Variants in RPTOR observed in about 807,000 individuals in gnomAD.
RPTOR encodes regulatory associated protein of MTOR complex 1.
A neutral mutation model predicts 169.9 loss-of-function variants in RPTOR; 21 were observed. The observed-to-expected ratio is 0.12, with a 90% confidence interval of 0.09 to 0.18. The LOEUF is 0.18. RPTOR is among the 10% of genes least tolerant of loss of function. RPTOR has a pLI of 1.00. For synonymous variants in RPTOR, 732 were observed against 753.2 expected (o/e 0.97, Z 0.46); for missense variants, 1,133 against 1,855.9 (o/e 0.61, Z 7.16).
At chr17:80,682,113 C>CA (rs1555606427) in intron 3 of RPTOR, among the ~76,000 whole-genome samples, 13 of 64,412 alleles carry the variant, frequency 2.0e-4, no homozygotes, top group Non-Finnish European at 3.8e-4. Flanking sequence ...TAGGTCCCCC[C>CA]CCCCACCCCA....
chr17:80,665,761 G>T (rs934492614), intron 3 of RPTOR, among the ~76,000 whole-genome samples: 1 of 151,978 alleles, frequency 6.6e-6, no homozygotes, highest in African/African-American at 2.4e-5. Context: ...TAGCCAGGAT[G>T]GTCTCGATCT....
At position 80,861,536 on chromosome 17, in the gene RPTOR, C is replaced by T. The variant is rs2067916700; in HGVS notation, c.1509+3636C>T. Among the ~76,000 whole-genome samples the T allele has an allele frequency of 6.6e-6, 1 of 151,936 alleles. No individual in the cohort carries two copies. Among genetic ancestry groups the T allele is most frequent in the Non-Finnish European group, 1.5e-5 (1 of 67,978 alleles). On this transcript the variant is annotated intron_variant, in intron 13 of 33. Coordinates refer to ENST00000306801, the MANE Select transcript of RPTOR (RefSeq NM_020761.3). The surrounding 1 kb of genome is among the most constrained non-coding windows in gnomAD (Gnocchi z 4.5). ...ATTTTGAAACGTGGTTTCTGTCCTACACCCATATCTTCGTCATCTACATGG... is the reference window on the plus strand; with the variant it reads ...ATTTTGAAACGTGGTTTCTGTCCTATACCCATATCTTCGTCATCTACATGG...
At chr17:80,907,998 C>G (rs2068565021) in intron 20 of RPTOR, among the ~76,000 whole-genome samples, 1 of 152,180 alleles carries the variant, frequency 6.6e-6, no homozygotes, top group Non-Finnish European at 1.5e-5. Flanking sequence ...GGTGTGCGTT[C>G]ACATCCTTCA....
Position 80,746,119 on chromosome 17 carries a change from G to A in RPTOR, c.655-7891G>A, listed in dbSNP as rs939484149. Among the ~76,000 whole-genome samples, 1 of 150,788 alleles carries A rather than the reference G, an allele frequency of 6.6e-6. No individual in the cohort carries two copies. Among genetic ancestry groups the A allele is most frequent in the Admixed American group, 6.6e-5 (1 of 15,130 alleles). On this transcript the variant is annotated intron_variant, in intron 5 of 33. Transcript: ENST00000306801. The surrounding 1 kb of genome is among the most constrained non-coding windows in gnomAD (Gnocchi z 4.5). The stretch of plus-strand genomic sequence containing the variant: ...GGAGGTTGCAGTGAGCTGAGATGGT[G>A]CCATTGCCCTCCAGCCTGGGTGACA...
chr17:80,927,711 C>CGT (rs1300551096), intron 24 of RPTOR, among the ~76,000 whole-genome samples: 1 of 95,036 alleles, frequency 1.1e-5, no homozygotes, highest in Non-Finnish European at 2.1e-5. Context: ...ATGTGTATCT[C>CGT]GTGTGTGTGT....
chr17:80,943,916 T>TA (rs1333687348), intron 25 of RPTOR, among the ~76,000 whole-genome samples: 1 of 152,214 alleles, frequency 6.6e-6, no homozygotes, highest in Non-Finnish European at 1.5e-5. Context: ...CCCTCCTGGT[T>TA]GCCCAGAGGC....
In RPTOR at chr17:80,844,754, G is replaced by A. The variant is rs891957158; in HGVS notation, c.1213-1719G>A. Among the ~76,000 whole-genome samples the A allele has an allele frequency of 2.6e-5, 4 of 152,192 alleles. No homozygotes were observed. Among genetic ancestry groups the A allele is most frequent in the African/African-American group, 9.6e-5 (4 of 41,454 alleles). On this transcript the variant is annotated intron_variant, in intron 10 of 33. Coordinates refer to ENST00000306801, the MANE Select transcript of RPTOR (RefSeq NM_020761.3). The surrounding 1 kb of genome is among the most constrained non-coding windows in gnomAD (Gnocchi z 4.7). ...AGAGCGCTCCTGGACTTGGGCGCAC[G>A]GAGGCACCCTGTCCTGCTCCTGGCG...
At chr17:80,563,290 C>T (rs2084525357) in intron 1 of RPTOR, among the ~76,000 whole-genome samples, 1 of 151,574 alleles carries the variant, frequency 6.6e-6, no homozygotes, top group African/African-American at 2.4e-5. Flanking sequence ...GTGATCATAG[C>T]TGAGGAGGCT....
intron 10 of RPTOR, among the ~76,000 whole-genome samples, chr17:80,839,204 G>A (rs1383194676): frequency 6.6e-6 from 1 of 152,230 alleles, no homozygotes; most frequent in Non-Finnish European, 1.5e-5. Flanking sequence ...TGTGTGGGGT[G>A]TTTTAACTCC....
intron 2 of RPTOR, among the ~76,000 whole-genome samples, chr17:80,634,746 ATACTGTGTGTGTGCG>A (rs2065489170): frequency 1.5e-5 from 1 of 64,554 alleles, no homozygotes; most frequent in Admixed American, 1.4e-4. Context: ...GTGTGTGTGC[ATACTGTGTGTGTGCG>A]TACTGTGCGT....
intron 3 of RPTOR, among the ~76,000 whole-genome samples, chr17:80,667,301 G>A (rs534505415): frequency 6.6e-6 from 1 of 152,294 alleles, no homozygotes; most frequent in South Asian, 2.1e-4. Flanking sequence ...AGCTGGGAGC[G>A]AAGGGAGACC....
chr17:80,869,715 A>G (rs746844142), intron 13 of RPTOR, among the ~76,000 whole-genome samples: 13 of 152,200 alleles, frequency 8.5e-5, no homozygotes, highest in Non-Finnish European at 1.3e-4. Context: ...GAGTGTGATC[A>G]TGGCTTTGTG....
chr17:80,801,099 G>A (rs182955952), intron 7 of RPTOR, among the ~76,000 whole-genome samples: 1 of 152,254 alleles, frequency 6.6e-6, no homozygotes, highest in East Asian at 1.9e-4. Context: ...CCCATCTGTG[G>A]GACTTCCGTC....
intron 3 of RPTOR, among the ~76,000 whole-genome samples, chr17:80,662,148 A>G (rs1237004138): frequency 6.6e-6 from 1 of 152,126 alleles, no homozygotes; most frequent in Non-Finnish European, 1.5e-5. Context: ...TCAAAGCAAG[A>G]TGGAGATCAT....
At chr17:80,865,465 T>G (rs575872972) in intron 13 of RPTOR, among the ~76,000 whole-genome samples, 2 of 152,288 alleles carry the variant, frequency 1.3e-5, no homozygotes, top group East Asian at 3.9e-4. Context: ...AGCTCTGCCA[T>G]GCAGGCACTA....
chr17:80,805,354 T>C (rs2067208154), intron 7 of RPTOR: 1 of 152,188 alleles, frequency 6.6e-6, no homozygotes, highest in Admixed American at 6.6e-5. Flanking sequence ...CAGGTGAGAG[T>C]GGCGTCTGGA....
chr17:80,881,444 G>A (rs770135441), intron 14 of RPTOR, among the ~76,000 whole-genome samples: 4 of 152,258 alleles, frequency 2.6e-5, no homozygotes, highest in African/African-American at 9.6e-5. Flanking sequence ...ACTTGGGCGC[G>A]AGGGTGAGCT....
chr17:80,575,280 C>T (rs1437407042), intron 1 of RPTOR, among the ~76,000 whole-genome samples: 39 of 152,214 alleles, frequency 2.6e-4, no homozygotes, highest in Admixed American at 2.6e-3. Flanking sequence ...TAGGCATGAG[C>T]CACCATGCCT....
At chr17:80,905,654 C>T (rs1482205119) in intron 20 of RPTOR, among the ~76,000 whole-genome samples, 2 of 152,256 alleles carry the variant, frequency 1.3e-5, no homozygotes, top group East Asian at 1.9e-4. Context: ...CACACACCCC[C>T]ACCCCGCCCT....
Sources: allele counts gnomAD v4.1 joint callset (sites outside exome capture counted in the v4.1 genomes callset), GRCh38; gene constraint gnomAD v4.1.1; non-coding constraint Gnocchi (gnomAD v3.1); transcripts MANE v1.5; gene names NCBI Gene and HGNC (gene_info 2026-07-23, HGNC 2026-07-21).